The following GCLM variants were observed in gnomAD, a reference collection of about 807,000 sequenced individuals.
GCLM encodes glutamate-cysteine ligase modifier subunit.
Under a neutral mutation model 36.0 loss-of-function variants are expected in GCLM, and 15 were observed. The observed-to-expected ratio is 0.42, with a 90% CI of 0.28 to 0.64. The LOEUF (loss-of-function observed/expected upper bound fraction) is 0.64. Ranked by LOEUF, GCLM falls within the 30% of genes least tolerant of loss-of-function variation. The pLI, the probability that GCLM is intolerant of heterozygous loss-of-function variation, is 0.25. For missense variants in GCLM, 242 were observed against 325.5 expected, an observed-to-expected ratio of 0.74 and a Z score of 1.97; for synonymous variants, 129 against 122.8, an observed-to-expected ratio of 1.05 and a Z score of -0.34.
intron 1 of GCLM, among the ~76,000 whole-genome samples, chr1:93,904,894 C>A (rs1347906701): frequency 6.6e-6 from 1 of 152,034 alleles, no homozygotes; most frequent in East Asian, 1.9e-4. Flanking sequence ...CATTCATAGG[C>A]CAGGTATAGT....
At chr1:93,889,304 A>C (rs1364202269) in intron 6 of GCLM, 145 bp from the exon 7 acceptor site, 2 of 480,466 alleles carry the variant, frequency 4.2e-6, no homozygotes, top group Non-Finnish European at 7.1e-6. Flanking sequence ...TGTGTGTGCT[A>C]TGAATCTGAA....
intron 5 of GCLM, among the ~76,000 whole-genome samples, chr1:93,895,143 T>C (rs1271882256): frequency 6.6e-6 from 1 of 151,782 alleles, no homozygotes; most frequent in Non-Finnish European, 1.5e-5. Context: ...GCCTCCCAAG[T>C]AGCTGGGATT....
intron 3 of GCLM, among the ~76,000 whole-genome samples, chr1:93,899,901 AT>A (rs1183740690): frequency 1.3e-5 from 2 of 152,236 alleles, no homozygotes; most frequent in Non-Finnish European, 2.9e-5. Context: ...GTTCAAAAAA[AT>A]AAATGTATTC....
intron 1 of GCLM, 33 bp from the exon 2 acceptor site, chr1:93,904,621 C>T: frequency 7.4e-7 from 1 of 1,354,096 alleles, no homozygotes; most frequent in Non-Finnish European, 1.1e-6. Flanking sequence ...AACTGTTAAT[C>T]AAAGTCTATA....
chr1:93,889,806 A>T (rs7552401), intron 6 of GCLM, among the ~76,000 whole-genome samples: 12,233 of 151,600 alleles, frequency 0.081, 1,260 homozygotes, highest in African/African-American at 0.24. Context: ...CATAGATATC[A>T]TAATTCATAT....
In GCLM at chr1:93,886,839, CTT is replaced by C. The variant is rs1313225635; in HGVS notation, c.*2149_*2150del. 6.6e-6 allele frequency: 1 copy of C among 151,694 alleles called. No individual in the cohort carries two copies. The highest frequency in any genetic ancestry group is 1.5e-5 in the Non-Finnish European group (1 of 67,948). 9.4% of individuals were successfully genotyped at this position (151,694 alleles called of 1,614,324 possible). A position where few individuals can be genotyped will look rare whatever the true frequency, so the allele number is the denominator to read the frequency against. ...AATAAAATGAACGCTTGTTTAAGGA[CTT>C]ATATGAAAAAAATGTTGGGCATTTC... is the stretch of plus-strand genomic sequence containing the variant. On this transcript the variant is annotated 3_prime_UTR_variant, in exon 7 of 7. Transcript: ENST00000370238.
chr1:93,902,633 C>T (rs1657000970), intron 2 of GCLM, among the ~76,000 whole-genome samples: 1 of 152,130 alleles, frequency 6.6e-6, no homozygotes, highest in Non-Finnish European at 1.5e-5. Flanking sequence ...CAGTGGTATA[C>T]ATTTGTTACA....
chr1:93,901,253 C>T (rs959588109), intron 3 of GCLM, among the ~76,000 whole-genome samples: 3 of 152,148 alleles, frequency 2.0e-5, no homozygotes, highest in African/African-American at 7.2e-5. Flanking sequence ...CTTATGCTTG[C>T]TTTGGGTGGA....
rs1338270319 is a variant in GCLM at position 93,888,760 on chromosome 1, A to C, written c.*230T>G. ...TATTGCAAGTATTTTCTTTATAGACAATTTCAATTAGAAAACAATAGTTTA... is the reference window on the plus strand; with the variant it reads ...TATTGCAAGTATTTTCTTTATAGACCATTTCAATTAGAAAACAATAGTTTA... On this transcript the variant is annotated 3_prime_UTR_variant, in exon 7 of 7. Transcript: ENST00000370238. 1.8e-5 allele frequency: 6 copies of C among 335,740 alleles called. No individual in the cohort carries two copies. The highest frequency in any genetic ancestry group is 3.2e-5 in the Non-Finnish European group (6 of 187,854). 20.8% of individuals were successfully genotyped at this position (335,740 alleles called of 1,614,324 possible).
In GCLM at chr1:93,897,882, T is replaced by C; in HGVS notation, c.294A>G (p.Val98=). Residue 98 remains valine (V), a synonymous_variant, in exon 4 of 7, where the codon GTA becomes GTG. Transcript: ENST00000370238. ...TAGTTGATGATGAAGAGTTTGATTC[T>C]ACAATGAACAGTTTTGCTGGGTAAC... ...EMKVSAKLFI[V]ESNSSSSTRS... 1.3e-6 allele frequency: 2 copies of C among 1,547,952 alleles called. No individual in the cohort carries two copies. The highest frequency in any genetic ancestry group is 1.4e-5 in the African/African-American group (1 of 71,106).
intron 1 of GCLM, among the ~76,000 whole-genome samples, chr1:93,908,160 T>TA (rs1295208052): frequency 2.6e-5 from 4 of 152,192 alleles, no homozygotes; most frequent in African/African-American, 9.7e-5. Flanking sequence ...CTCCTAAATC[T>TA]AAAGATTTTG....
intron 6 of GCLM, among the ~76,000 whole-genome samples, chr1:93,892,254 G>GT (rs1656563761): frequency 6.6e-6 from 1 of 152,160 alleles, no homozygotes; most frequent in Non-Finnish European, 1.5e-5. Context: ...ATTATGGGGA[G>GT]TAAGGGTAAT....
In GCLM at chr1:93,909,024, G is replaced by A. The variant is rs1013604100; in HGVS notation, c.126+14C>T. 3 of 1,455,326 alleles carry A rather than the reference G, an allele frequency of 2.1e-6. No homozygotes were observed. The highest frequency in any genetic ancestry group is 2.7e-6 in the Non-Finnish European group (3 of 1,108,326). The allele number at this position is 1,455,326 out of a possible 1,614,324, so 90.2% of individuals were successfully genotyped here. Reference sequence around the variant, plus strand: ...CTGCCCCGGGAGCCCCGCGGCGAGTGTCGCCACGCTCACCTCCTCGCTGTG... The same window carrying A: ...CTGCCCCGGGAGCCCCGCGGCGAGTATCGCCACGCTCACCTCCTCGCTGTG... On this transcript the variant is annotated intron_variant, in intron 1 of 6. Coordinates refer to ENST00000370238, the MANE Select transcript of GCLM (RefSeq NM_002061.4).
chr1:93,897,421 T>C (rs1167030612), intron 4 of GCLM, among the ~76,000 whole-genome samples: 3 of 152,130 alleles, frequency 2.0e-5, no homozygotes, highest in Non-Finnish European at 4.4e-5. Flanking sequence ...TTTCAATATA[T>C]GTAAATACTG....
At chr1:93,897,432 G>A (rs920739087) in intron 4 of GCLM, among the ~76,000 whole-genome samples, 1 of 151,708 alleles carries the variant, frequency 6.6e-6, no homozygotes, top group Non-Finnish European at 1.5e-5. Flanking sequence ...GTAAATACTG[G>A]AATAATTTTT....
In GCLM at chr1:93,888,977, GCTC is replaced by G. The variant is rs749670212; in HGVS notation, c.*10_*12del. ...TTGAAGGAAATTACAGGTAAGTTATGCTCCTAAGTCAGTTAAGAACCCCTTCTT... is the reference window on the plus strand; with the variant it reads ...TTGAAGGAAATTACAGGTAAGTTATGCTAAGTCAGTTAAGAACCCCTTCTT... On this transcript the variant is annotated 3_prime_UTR_variant, in exon 7 of 7. Transcript: ENST00000370238. The G allele has an allele frequency of 3.3e-5, 50 of 1,525,874 alleles. No individual in the cohort carries two copies. Among genetic ancestry groups the G allele is most frequent in the Non-Finnish European group, 4.2e-5 (48 of 1,135,204 alleles). 94.5% of individuals were successfully genotyped at this position (1,525,874 alleles called of 1,614,324 possible).
At chr1:93,896,308 T>C (rs1057292024) in intron 5 of GCLM, among the ~76,000 whole-genome samples, 2 of 152,180 alleles carry the variant, frequency 1.3e-5, no homozygotes, top group Non-Finnish European at 2.9e-5. Context: ...TAAGTAGAAC[T>C]GAAGGAAATG....
At chr1:93,896,896 C>T in intron 4 of GCLM, 76 bp from the exon 5 acceptor site, 1 of 819,346 alleles carries the variant, frequency 1.2e-6, no homozygotes, top group South Asian at 1.5e-5. Flanking sequence ...TTCAAAGTAT[C>T]CCACTGAATT....
chr1:93,908,549 C>G (rs1657233250), intron 1 of GCLM: 1 of 152,272 alleles, frequency 6.6e-6, no homozygotes, highest in South Asian at 2.1e-4. Context: ...TGAGTGCTTA[C>G]TCATTTGCCT....
Sources: gnomAD v4.1 joint callset for allele counts (sites outside exome capture counted in the v4.1 genomes callset) on GRCh38, gnomAD v4.1.1 for gene constraint, MANE v1.5 for transcripts, NCBI Gene and HGNC (gene_info 2026-07-23, HGNC 2026-07-21) for gene names.